The following FGF7 variants were observed in gnomAD, a reference collection of about 807,000 sequenced individuals.
FGF7 encodes fibroblast growth factor 7.
Under a neutral mutation model 20.5 loss-of-function variants are expected in FGF7, and 6 were observed. The observed-to-expected ratio is 0.29, with a 90% CI of 0.16 to 0.58. The LOEUF (loss-of-function observed/expected upper bound fraction) is 0.58, where lower values mean the gene tolerates loss of function less well. Ranked by LOEUF, FGF7 falls within the 20% of genes least tolerant of loss-of-function variation. The probability of loss-of-function intolerance (pLI) is 0.90; values close to 1 mark genes in which losing one functional copy is unlikely to be tolerated. For synonymous variants in FGF7, 64 were observed against 74.7 expected, an observed-to-expected ratio of 0.86 and a Z score of 0.74; for missense variants, 144 against 228.8, an observed-to-expected ratio of 0.63 and a Z score of 2.39.
rs1480324707 is a variant in FGF7 at position 49,486,819 on chromosome 15, A to G, written c.*2315A>G. ...TCTCCTATTTTTAAATTTATTATGC[A>G]AATTTTAGAAAATAAAATTTGCTCT... On this transcript the variant is annotated 3_prime_UTR_variant, in exon 4 of 4. Coordinates refer to ENST00000267843, the MANE Select transcript of FGF7 (RefSeq NM_002009.4). 1 of 151,920 alleles carries G rather than the reference A, an allele frequency of 6.6e-6. No homozygotes were observed. The highest frequency in any genetic ancestry group is 1.5e-5 in the Non-Finnish European group (1 of 67,908). The allele number at this position is 151,920 out of a possible 1,614,324, so 9.4% of individuals were successfully genotyped here.
intron 2 of FGF7, among the ~76,000 whole-genome samples, chr15:49,452,760 C>A (rs939663976): frequency 6.6e-6 from 1 of 151,972 alleles, no homozygotes; most frequent in African/African-American, 2.4e-5. Context: ...TATGTGCTTA[C>A]AAGATTATTA....
rs141744761 is a variant in FGF7, at chr15:49,473,072, A to G, written c.287-10079A>G. Among the ~76,000 whole-genome samples, 1,496 of 152,276 alleles carry G rather than the reference A, an allele frequency of 9.8e-3. 28 individuals are homozygous for G. The highest frequency in any genetic ancestry group is 0.034 in the African/African-American group (1,417 of 41,574). On this transcript the variant is annotated intron_variant, in intron 2 of 3. Transcript: ENST00000267843. ...GTACTTGGGGGATTAATTTAACTAA[A>G]GGCATACTGTAATCTTTTTTCAACT...
chr15:49,482,343 T>C (rs573166733), intron 2 of FGF7, among the ~76,000 whole-genome samples: 2 of 152,226 alleles, frequency 1.3e-5, no homozygotes, highest in African/African-American at 4.8e-5. Flanking sequence ...ATTTTGTAAA[T>C]ACTATTTCAA....
intron 2 of FGF7, among the ~76,000 whole-genome samples, chr15:49,432,390 C>T (rs150530764): frequency 0.024 from 3,656 of 151,704 alleles, 113 homozygotes; most frequent in South Asian, 0.15. Flanking sequence ...GAACAATTTT[C>T]TTTCAGCAGA....
intron 2 of FGF7, among the ~76,000 whole-genome samples, chr15:49,471,484 AAATAATAATAATAATAAT>A (rs201297260): frequency 3.1e-4 from 43 of 137,852 alleles, no homozygotes; most frequent in African/African-American, 5.7e-4. Context: ...CTCTATCTCA[AAATAATAATAATAATAAT>A]AATAATAATA....
At chr15:49,423,983 A>T in intron 1 of FGF7, 49 bp from the exon 2 acceptor site, 2 of 241,158 alleles carry the variant, frequency 8.3e-6, no homozygotes, top group African/African-American at 2.2e-5. Context: ...ACAATTTTTT[A>T]TCTTCCTCTC....
At chr15:49,441,273 C>T (rs2051614345) in intron 2 of FGF7, among the ~76,000 whole-genome samples, 1 of 151,742 alleles carries the variant, frequency 6.6e-6, no homozygotes, top group African/African-American at 2.4e-5. Context: ...ACACTCAATT[C>T]ATACTTATTT....
chr15:49,468,358 G>A, intron 2 of FGF7, among the ~76,000 whole-genome samples: 1 of 152,082 alleles, frequency 6.6e-6, no homozygotes, highest in East Asian at 1.9e-4. Context: ...TAATTTGAGG[G>A]GAATTATACT....
chr15:49,476,212 G>GTTTTTTTTTTTTTTTTTTTTTTTTTTTTT (rs1567351529), intron 2 of FGF7, among the ~76,000 whole-genome samples: 1 of 81,256 alleles, frequency 1.2e-5, no homozygotes, highest in African/African-American at 3.3e-5. Context: ...TTATTTTGCT[G>GTTTTTTTTTTTTTTTTTTTTTTTTTTTTT]TTTTGTTTTT....
chr15:49,485,673 C>G lies in FGF7; in HGVS notation c.*1169C>G, dbSNP rs931784888. Reference sequence around the variant, plus strand: ...CAATGCTTACAATAGATGTCTCACACAGAACAATACAAATATGTAAAAAAT... The same window carrying G: ...CAATGCTTACAATAGATGTCTCACAGAGAACAATACAAATATGTAAAAAAT... On this transcript the variant is annotated 3_prime_UTR_variant, in exon 4 of 4. Coordinates refer to ENST00000267843, the MANE Select transcript of FGF7 (RefSeq NM_002009.4). 6 of 152,352 alleles carry G rather than the reference C, an allele frequency of 3.9e-5. No homozygotes were observed. The highest frequency in any genetic ancestry group is 1.5e-4 in the African/African-American group (6 of 41,374). 9.4% of individuals were successfully genotyped at this position (152,352 alleles called of 1,614,324 possible).
intron 2 of FGF7, among the ~76,000 whole-genome samples, chr15:49,427,209 G>T (rs965264436): frequency 6.6e-6 from 1 of 151,886 alleles, no homozygotes. Flanking sequence ...GGAAATCTAG[G>T]TTCAAAAAAT....
intron 2 of FGF7, among the ~76,000 whole-genome samples, chr15:49,432,035 T>C (rs1410645885): frequency 2.0e-5 from 3 of 151,748 alleles, no homozygotes; most frequent in African/African-American, 7.2e-5. Flanking sequence ...ACTGTAATAA[T>C]CTTTGCTTAT....
At chr15:49,478,849 T>C (rs1356396941) in intron 2 of FGF7, among the ~76,000 whole-genome samples, 2 of 152,148 alleles carry the variant, frequency 1.3e-5, no homozygotes, top group East Asian at 3.8e-4. Context: ...AATAGGAAAG[T>C]TAAAGCACTT....
At chr15:49,447,870 T>C (rs747207215) in intron 2 of FGF7, among the ~76,000 whole-genome samples, 4 of 151,614 alleles carry the variant, frequency 2.6e-5, no homozygotes, top group Non-Finnish European at 5.9e-5. Flanking sequence ...AACAATAGGT[T>C]TGACTTTTGT....
chr15:49,453,053 A>G (rs1327429647), intron 2 of FGF7, among the ~76,000 whole-genome samples: 1 of 152,050 alleles, frequency 6.6e-6, no homozygotes, highest in African/African-American at 2.4e-5. Flanking sequence ...TTCTCTTACC[A>G]CTGTGGAAAT....
At chr15:49,467,353 C>T (rs2054360237) in intron 2 of FGF7, among the ~76,000 whole-genome samples, 1 of 152,086 alleles carries the variant, frequency 6.6e-6, no homozygotes, top group Admixed American at 6.6e-5. Flanking sequence ...CTAGCCCCAT[C>T]AAATTCTGCT....
chr15:49,431,397 T>C (rs1200442066), intron 2 of FGF7, among the ~76,000 whole-genome samples: 2 of 151,810 alleles, frequency 1.3e-5, no homozygotes, highest in African/African-American at 4.8e-5. Context: ...TAAAGTTCCT[T>C]AACTATGTGT....
chr15:49,451,482 T>C (rs1232736466), intron 2 of FGF7, among the ~76,000 whole-genome samples: 1 of 152,120 alleles, frequency 6.6e-6, no homozygotes, highest in Non-Finnish European at 1.5e-5. Context: ...TATATGTATA[T>C]ATAGATTATA....
chr15:49,428,646 A>AGAT (rs2050328825), intron 2 of FGF7, among the ~76,000 whole-genome samples: 1 of 152,004 alleles, frequency 6.6e-6, no homozygotes, highest in South Asian at 2.1e-4. Flanking sequence ...CTTGAGAGAC[A>AGAT]GATGTGGAAG....
Sources: gnomAD v4.1 joint callset for allele counts (sites outside exome capture counted in the v4.1 genomes callset) on GRCh38, gnomAD v4.1.1 for gene constraint, MANE v1.5 for transcripts, NCBI Gene and HGNC (gene_info 2026-07-23, HGNC 2026-07-21) for gene names.